ARMH3: variants seen among roughly 807,000 people sequenced by gnomAD.
ARMH3 encodes the protein armadillo-like helical domain-containing protein 3.
Under a neutral mutation model 99.1 loss-of-function variants are expected in ARMH3, and 60 were observed. The ratio of observed to expected loss-of-function variants is 0.61; its 90% CI spans 0.49 to 0.75. ARMH3 has a LOEUF of 0.75. ARMH3 is among the 30% of genes least tolerant of loss of function. The pLI is 0.00. For missense variants in ARMH3, 679 were observed against 843.1 expected (o/e 0.81, Z 2.41); for synonymous variants, 285 against 292.8 (o/e 0.97, Z 0.27).
intron 25 of ARMH3, among the ~76,000 whole-genome samples, chr10:101,848,010 G>C (rs2066501637): frequency 6.6e-6 from 1 of 152,212 alleles, no homozygotes; most frequent in Admixed American, 6.5e-5. Context: ...TCATGCTCTA[G>C]CACCACCTCT....
chr10:101,991,727 A>G (rs1411875225), intron 18 of ARMH3, among the ~76,000 whole-genome samples: 5 of 152,202 alleles, frequency 3.3e-5, no homozygotes, highest in African/African-American at 1.2e-4. Flanking sequence ...AAGTTTAGAC[A>G]CAGCCATTTG....
chr10:101,925,107 T>C (rs1843458957), intron 23 of ARMH3, among the ~76,000 whole-genome samples: 1 of 152,208 alleles, frequency 6.6e-6, no homozygotes, highest in South Asian at 2.1e-4. Flanking sequence ...GAGAACTAGC[T>C]TGAAGGCAGG....
intron 2 of ARMH3, 142 bp from the exon 3 acceptor site, chr10:102,033,481 G>C (rs1338998087): frequency 6.7e-6 from 6 of 897,488 alleles, no homozygotes; most frequent in Admixed American, 3.0e-5. Context: ...ACAGTGGCGT[G>C]ATCTCGGCTC....
chr10:101,870,218 G>C (rs1455056434), intron 24 of ARMH3, among the ~76,000 whole-genome samples: 3 of 152,082 alleles, frequency 2.0e-5, no homozygotes, highest in African/African-American at 7.2e-5. Flanking sequence ...CAAGGAACAG[G>C]GAGAATTTTA....
At chr10:101,872,734 G>A (rs1261207760) in intron 24 of ARMH3, among the ~76,000 whole-genome samples, 1 of 152,094 alleles carries the variant, frequency 6.6e-6, no homozygotes, top group Non-Finnish European at 1.5e-5. Flanking sequence ...AAGGCAGGTG[G>A]ATCATCTGAG....
chr10:101,935,196 T>TATATATATATATATATATATATAC (rs1843907895), intron 23 of ARMH3, among the ~76,000 whole-genome samples: 1 of 147,612 alleles, frequency 6.8e-6, no homozygotes, highest in Non-Finnish European at 1.5e-5. Context: ...TATATATATA[T>TATATATATATATATATATATATAC]ATACATTTTT....
At chr10:101,870,033 A>T (rs1003730648) in intron 24 of ARMH3, among the ~76,000 whole-genome samples, 8 of 152,212 alleles carry the variant, frequency 5.3e-5, no homozygotes, top group Non-Finnish European at 1.0e-4. Flanking sequence ...ATCCTGTCTT[A>T]AAAAGAAAAC....
At chr10:101,985,024 C>A (rs1846400264) in intron 19 of ARMH3, among the ~76,000 whole-genome samples, 1 of 150,672 alleles carries the variant, frequency 6.6e-6, no homozygotes, top group South Asian at 2.1e-4. Context: ...GCTGAAATAG[C>A]ACCACTGCAC....
intron 5 of ARMH3, chr10:102,029,413 C>G (rs768740932): frequency 6.6e-7 from 1 of 1,513,044 alleles, no homozygotes; most frequent in South Asian, 1.2e-5. Flanking sequence ...ACTATTCTGT[C>G]TTTATCCCGC....
intron 19 of ARMH3, among the ~76,000 whole-genome samples, chr10:101,984,550 C>T (rs898816448): frequency 1.3e-5 from 2 of 152,022 alleles, no homozygotes; most frequent in Non-Finnish European, 2.9e-5. Flanking sequence ...CCTTTGATAA[C>T]GCCATCCCAC....
chr10:101,877,244 A>T (rs1320629448), intron 24 of ARMH3, among the ~76,000 whole-genome samples: 1 of 152,124 alleles, frequency 6.6e-6, no homozygotes, highest in Non-Finnish European at 1.5e-5. Context: ...TCGAGGTTGC[A>T]GTGAGCTATT....
At chr10:101,856,715 G>T (rs1390839322) in intron 24 of ARMH3, among the ~76,000 whole-genome samples, 1 of 152,134 alleles carries the variant, frequency 6.6e-6, no homozygotes, top group East Asian at 1.9e-4. Context: ...TTCTACTTTA[G>T]CTGTTTACTC....
chr10:101,942,830 C>G (rs968627491), intron 22 of ARMH3, among the ~76,000 whole-genome samples: 4 of 149,920 alleles, frequency 2.7e-5, no homozygotes, highest in Non-Finnish European at 4.4e-5. Flanking sequence ...TGCACCACTG[C>G]ACTCCAGCCT....
chr10:102,050,631 G>T (rs1212930281), intron 1 of ARMH3, among the ~76,000 whole-genome samples: 1 of 150,110 alleles, frequency 6.7e-6, no homozygotes, highest in Non-Finnish European at 1.5e-5. Flanking sequence ...GCCGAGGCAG[G>T]TGGATCACTT....
chr10:101,976,902 C>A (rs1055030906), intron 19 of ARMH3, among the ~76,000 whole-genome samples: 16 of 152,270 alleles, frequency 1.1e-4, no homozygotes, highest in Admixed American at 9.8e-4. Flanking sequence ...ATCCACCTGC[C>A]TTGACCTCCC....
At chr10:101,987,509 TTACTAGCTGTGCAACTGTGG>T (rs1564823824) in intron 19 of ARMH3, among the ~76,000 whole-genome samples, 1 of 152,204 alleles carries the variant, frequency 6.6e-6, no homozygotes, top group Non-Finnish European at 1.5e-5. Flanking sequence ...GTTATGCAGC[TTACTAGCTGTGCAACTGTGG>T]TACCAGCCTG....
chr10:101,849,431 C>T (rs1040208716), intron 25 of ARMH3, among the ~76,000 whole-genome samples: 1 of 152,112 alleles, frequency 6.6e-6, no homozygotes, highest in Non-Finnish European at 1.5e-5. Flanking sequence ...TTTAGGAAGA[C>T]GTGATTCCAT....
chr10:101,878,676 A>T lies in ARMH3; in HGVS notation c.1860+10736T>A, dbSNP rs1293406269. Among the ~76,000 whole-genome samples, 3 of 151,696 alleles carry T rather than the reference A, an allele frequency of 2.0e-5. No homozygotes were observed. The East Asian group carries it at 5.8e-4, about 29-fold the overall frequency. On this transcript the variant is annotated intron_variant, in intron 24 of 25. Transcript: ENST00000370033. ...CAAAAAAAGAAAAAGGAAAAAAAAA[A>T]GTTGGCTGGGTATGGTGGCTCATGC...
chr10:101,989,845 T>G (rs898872824), intron 19 of ARMH3, among the ~76,000 whole-genome samples: 1 of 152,254 alleles, frequency 6.6e-6, no homozygotes, highest in Non-Finnish European at 1.5e-5. Flanking sequence ...CCAGCTAGGC[T>G]GTCAGGACAA....
Sources: allele counts gnomAD v4.1 joint callset (sites outside exome capture counted in the v4.1 genomes callset), GRCh38; gene constraint gnomAD v4.1.1; transcripts MANE v1.5; gene names NCBI Gene and HGNC (gene_info 2026-07-23, HGNC 2026-07-21).